The following OR10J1 variants were observed in gnomAD, a reference collection of about 807,000 sequenced individuals.
The protein encoded by OR10J1 is olfactory receptor 10J1.
For synonymous variants in OR10J1, 202 were observed against 143.8 expected (o/e 1.40, Z -2.89); for missense variants, 474 against 376.6 (o/e 1.26, Z -2.14).
At chr1:159,437,615 C>T (rs941712168), upstream of OR10J1, among the ~76,000 whole-genome samples, 3 of 152,182 alleles carry the variant, frequency 2.0e-5, no homozygotes, top group African/African-American at 7.2e-5. Flanking sequence ...AAAACTTTCC[C>T]CAGGCTCCCC....
At chr1:159,421,576 T>C in the OR10J1 span, among the ~76,000 whole-genome samples, 2 of 152,204 alleles carry the variant, frequency 1.3e-5, no homozygotes, top group African/African-American at 4.8e-5. Context: ...GATATATCTA[T>C]GGTATTGGTT....
chr1:159,426,386 G>T, the OR10J1 span, among the ~76,000 whole-genome samples: 11 of 151,816 alleles, frequency 7.2e-5, no homozygotes, highest in Admixed American at 6.6e-4. Flanking sequence ...AAAGAAAATT[G>T]TTGTAATATT....
chr1:159,406,057 A>C, the OR10J1 span: 2 of 424,588 alleles, frequency 4.7e-6, no homozygotes, highest in Admixed American at 3.1e-5. Context: ...AAAGTCACAT[A>C]GAAGAGCTGA....
the OR10J1 span, among the ~76,000 whole-genome samples, chr1:159,419,202 A>C: frequency 1.3e-5 from 2 of 152,154 alleles, no homozygotes; most frequent in Non-Finnish European, 2.9e-5. Context: ...ATTGGTTTTG[A>C]AATGTGAGAA....
chr1:159,440,831 CA>C lies in OR10J1; in HGVS notation c.*114del. 8.5e-7 allele frequency: 1 copy of C among 1,171,284 alleles called. No individual in the cohort carries two copies. Among genetic ancestry groups the C allele is most frequent in the South Asian group, 1.6e-5 (1 of 61,558 alleles). The allele number at this position is 1,171,284 out of a possible 1,614,324, so 72.6% of individuals were successfully genotyped here. On this transcript the variant is annotated 3_prime_UTR_variant, in exon 1 of 1. Transcript: ENST00000423932. The stretch of plus-strand genomic sequence containing the variant: ...AGAGACCTGCCCCTTAAATAAGAGG[CA>C]AAAGAGGAATAGCAGTTTCATACAA...
At chr1:159,424,128 A>G in the OR10J1 span, among the ~76,000 whole-genome samples, 1 of 151,530 alleles carries the variant, frequency 6.6e-6, no homozygotes, top group Non-Finnish European at 1.5e-5. Context: ...AAGCAGGAGA[A>G]TCGCTTGAAT....
the OR10J1 span, chr1:159,406,394 T>C: frequency 2.5e-6 from 1 of 401,548 alleles, no homozygotes; most frequent in South Asian, 2.2e-5. Flanking sequence ...CTGAAGGAAA[T>C]GGACAACGGA....
At chr1:159,406,280 C>T in the OR10J1 span, 1 of 525,456 alleles carries the variant, frequency 1.9e-6, no homozygotes, top group South Asian at 1.4e-5. Flanking sequence ...AGAAAGACAA[C>T]AAAGAAGACA....
chr1:159,430,668 T>TGTGCGC, the OR10J1 span, among the ~76,000 whole-genome samples: 2,279 of 69,638 alleles, frequency 0.033, 40 homozygotes, highest in East Asian at 0.086. Context: ...TGTGTGTGTG[T>TGTGCGC]GCGCGCGCGC....
chr1:159,439,786 C>G lies in OR10J1; in HGVS notation c.-6C>G, dbSNP rs1655852308. On this transcript the variant is annotated 5_prime_UTR_variant, in exon 1 of 1. Coordinates refer to ENST00000423932, the MANE Select transcript of OR10J1 (RefSeq NM_012351.3). Reference sequence around the variant, plus strand: ...GCTTTTATGTTTCAGATTTGGGAACCAATCCATGAAAAGAGAGAACTTTAC... The same window carrying G: ...GCTTTTATGTTTCAGATTTGGGAACGAATCCATGAAAAGAGAGAACTTTAC... 1 of 1,613,680 alleles carries G rather than the reference C, an allele frequency of 6.2e-7. No individual in the cohort carries two copies. The highest frequency in any genetic ancestry group is 1.1e-5 in the South Asian group (1 of 91,056).
At chr1:159,422,929 GC>G in the OR10J1 span, among the ~76,000 whole-genome samples, 1 of 152,036 alleles carries the variant, frequency 6.6e-6, no homozygotes, top group African/African-American at 2.4e-5. Context: ...CTCTTTCCTT[GC>G]TTCTGGTGCT....
the OR10J1 span, chr1:159,432,157 A>G: frequency 5.0e-6 from 2 of 400,362 alleles, no homozygotes; most frequent in African/African-American, 2.1e-5. Flanking sequence ...TCCAGCCTGG[A>G]TGCTCAACAT....
the OR10J1 span, among the ~76,000 whole-genome samples, chr1:159,404,892 T>C: frequency 2.0e-5 from 3 of 152,200 alleles, no homozygotes; most frequent in African/African-American, 7.2e-5. Context: ...AAATCCTATA[T>C]GTGAAACTTC....
chr1:159,434,210 C>T (rs117565211), upstream of OR10J1, among the ~76,000 whole-genome samples: 174 of 152,180 alleles, frequency 1.1e-3, no homozygotes, highest in East Asian at 6.4e-3. Flanking sequence ...CACGTGCAAC[C>T]CAGCCCTGAA....
At chr1:159,420,227 A>G in the OR10J1 span, among the ~76,000 whole-genome samples, 1 of 152,134 alleles carries the variant, frequency 6.6e-6, no homozygotes, top group Non-Finnish European at 1.5e-5. Flanking sequence ...CTGGTAAGAT[A>G]ATTTTCATAG....
At chr1:159,439,643 A>C, upstream of OR10J1, 1 of 900,776 alleles carries the variant, frequency 1.1e-6, no homozygotes, top group Non-Finnish European at 1.7e-6. Flanking sequence ...AAGTAAACCC[A>C]GGGATTAACT....
At chr1:159,412,368 C>T in the OR10J1 span, among the ~76,000 whole-genome samples, 11 of 151,426 alleles carry the variant, frequency 7.3e-5, no homozygotes, top group East Asian at 3.9e-4. Flanking sequence ...AAAAAGAGCC[C>T]GCATCGCCAA....
chr1:159,440,260 A>G lies in OR10J1; in HGVS notation c.469A>G (p.Ile157Val). ...CTGCAGCATTGGGCTGATTGTAGCA[A>G]TAACGCAAGTGACATCTGTATTCAG... is the stretch of plus-strand genomic sequence containing the variant. ...GACSIGLIVAITQVTSVFRLP... is the reference protein window; with the variant it reads ...GACSIGLIVAVTQVTSVFRLP... The change falls in exon 1 of 1, where the codon ATA becomes GTA. Residue 157 changes from isoleucine to valine, a missense_variant. Coordinates refer to ENST00000423932, the MANE Select transcript of OR10J1 (RefSeq NM_012351.3). The G allele has an allele frequency of 4.3e-6, 7 of 1,614,140 alleles. No individual in the cohort carries two copies. The highest frequency in any genetic ancestry group is 5.9e-6 in the Non-Finnish European group (7 of 1,180,006).
At chr1:159,411,211 G>C in the OR10J1 span, among the ~76,000 whole-genome samples, 1 of 152,098 alleles carries the variant, frequency 6.6e-6, no homozygotes, top group Non-Finnish European at 1.5e-5. Context: ...ATGTCTATTA[G>C]GTTCACTTGG....
Sources: gnomAD v4.1 joint callset for allele counts (sites outside exome capture counted in the v4.1 genomes callset) on GRCh38, gnomAD v4.1.1 for gene constraint, MANE v1.5 for transcripts, NCBI Gene and HGNC (gene_info 2026-07-23, HGNC 2026-07-21) for gene names.